The following CPEB3 variants were observed in gnomAD, a reference collection of about 807,000 sequenced individuals.
CPEB3 encodes cytoplasmic polyadenylation element-binding protein 3.
Under a neutral mutation model 67.2 loss-of-function variants are expected in CPEB3, and 20 were observed. The observed-to-expected ratio is 0.30, with a 90% CI of 0.21 to 0.43. The LOEUF is 0.43. Ranked by LOEUF, CPEB3 falls within the 20% of genes least tolerant of loss-of-function variation. The probability of loss-of-function intolerance (pLI) is 1.00; values close to 1 mark genes in which losing one functional copy is unlikely to be tolerated. For missense variants in CPEB3, 746 were observed against 968.6 expected, an observed-to-expected ratio of 0.77 and a Z score of 3.05; for synonymous variants, 376 against 393.1, an observed-to-expected ratio of 0.96 and a Z score of 0.51.
At chr10:92,257,497 T>C (rs961264676) in intron 1 of CPEB3, among the ~76,000 whole-genome samples, 26 of 152,168 alleles carry the variant, frequency 1.7e-4, no homozygotes, top group South Asian at 4.1e-4. Context: ...AGTTTTGCCA[T>C]GTTGCCCAGG....
intron 8 of CPEB3, among the ~76,000 whole-genome samples, chr10:92,088,225 ATTT>A (rs374452327): frequency 4.8e-5 from 6 of 126,288 alleles, no homozygotes; most frequent in African/African-American, 6.1e-5. Context: ...TTCCAACCTA[ATTT>A]TTTTTTTTTT....
chr10:92,268,452 A>C (rs533601713), intron 1 of CPEB3, among the ~76,000 whole-genome samples: 1 of 151,968 alleles, frequency 6.6e-6, no homozygotes, highest in African/African-American at 2.4e-5. Flanking sequence ...ATGTAGCAAG[A>C]CTCCATCTCT....
intron 2 of CPEB3, among the ~76,000 whole-genome samples, chr10:92,216,020 T>C (rs1850363400): frequency 6.9e-6 from 1 of 145,062 alleles, no homozygotes; most frequent in East Asian, 2.2e-4. Context: ...AGTGTTGGGA[T>C]TACAGGCCTG....
At chr10:92,211,063 A>T (rs1850058190) in intron 2 of CPEB3, among the ~76,000 whole-genome samples, 1 of 152,214 alleles carries the variant, frequency 6.6e-6, no homozygotes, top group Non-Finnish European at 1.5e-5. Context: ...AAATAAATCA[A>T]TAAATAAAAG....
chr10:92,194,869 G>A (rs533830318), intron 2 of CPEB3, among the ~76,000 whole-genome samples: 8 of 152,036 alleles, frequency 5.3e-5, no homozygotes, highest in East Asian at 1.9e-4. Context: ...GTGAAACTCC[G>A]TCTCTACTAA....
chr10:92,074,476 T>C (rs1483136157), intron 9 of CPEB3, among the ~76,000 whole-genome samples: 1 of 152,174 alleles, frequency 6.6e-6, no homozygotes, highest in African/African-American at 2.4e-5. Context: ...ATGGTAGACA[T>C]GTATTATGAC....
chr10:92,077,062 G>T (rs185709278), intron 9 of CPEB3, among the ~76,000 whole-genome samples: 26 of 152,222 alleles, frequency 1.7e-4, no homozygotes, highest in Non-Finnish European at 3.8e-4. Flanking sequence ...AACTTGGAGA[G>T]GTTATTCAGG....
At chr10:92,219,580 T>C (rs574618192) in intron 2 of CPEB3, among the ~76,000 whole-genome samples, 3 of 152,196 alleles carry the variant, frequency 2.0e-5, no homozygotes, top group African/African-American at 7.2e-5. Flanking sequence ...TTTTCACATA[T>C]AACGAATCTC....
At chr10:92,229,056 C>T (rs1375695188) in intron 2 of CPEB3, among the ~76,000 whole-genome samples, 1 of 151,868 alleles carries the variant, frequency 6.6e-6, no homozygotes, top group African/African-American at 2.4e-5. Flanking sequence ...CAGGGTCTCA[C>T]TCTGTCACCT....
intron 7 of CPEB3, among the ~76,000 whole-genome samples, chr10:92,092,779 G>GAA (rs1338071678): frequency 2.1e-5 from 3 of 141,474 alleles, no homozygotes; most frequent in Admixed American, 7.1e-5. Context: ...ACTGTCTCAG[G>GAA]AAAAAAAAAA....
chr10:92,202,631 T>A (rs1048466791), intron 2 of CPEB3, among the ~76,000 whole-genome samples: 3 of 151,714 alleles, frequency 2.0e-5, no homozygotes, highest in Non-Finnish European at 4.4e-5. Flanking sequence ...AAAAATTACA[T>A]ATGATATTTC....
chr10:92,215,343 G>A (rs555139630), intron 2 of CPEB3, among the ~76,000 whole-genome samples: 3 of 150,302 alleles, frequency 2.0e-5, no homozygotes, highest in African/African-American at 4.9e-5. Flanking sequence ...TAGTAGAGAT[G>A]GGGTTTCACC....
At chr10:92,056,235 A>G (rs1163782645) in intron 9 of CPEB3, among the ~76,000 whole-genome samples, 1 of 152,120 alleles carries the variant, frequency 6.6e-6, no homozygotes, top group African/African-American at 2.4e-5. Context: ...ATGCTCCACA[A>G]ACACAGATGT....
At chr10:92,243,565 C>G (rs1038913292) in intron 1 of CPEB3, among the ~76,000 whole-genome samples, 1 of 152,076 alleles carries the variant, frequency 6.6e-6, no homozygotes, top group African/African-American at 2.4e-5. Flanking sequence ...CCAAGCAGAG[C>G]TACCTTAAAT....
intron 9 of CPEB3, among the ~76,000 whole-genome samples, chr10:92,077,786 G>T (rs897215943): frequency 1.3e-5 from 2 of 150,022 alleles, no homozygotes; most frequent in Non-Finnish European, 1.5e-5. Flanking sequence ...GAGAAGGGAG[G>T]GGAGAGGAGG....
At chr10:92,056,902 G>C (rs141189072) in intron 9 of CPEB3, among the ~76,000 whole-genome samples, 2 of 152,336 alleles carry the variant, frequency 1.3e-5, no homozygotes, top group African/African-American at 2.4e-5. Flanking sequence ...CAGAAGGATA[G>C]GGCTCAGTCA....
chr10:92,058,863 G>T (rs946438912), intron 9 of CPEB3, among the ~76,000 whole-genome samples: 24 of 152,034 alleles, frequency 1.6e-4, no homozygotes, highest in African/African-American at 5.8e-4. Context: ...AAAAGCTACA[G>T]AATACACGTT....
chr10:92,125,792 G>A (rs540293806), intron 6 of CPEB3, among the ~76,000 whole-genome samples: 1 of 151,542 alleles, frequency 6.6e-6, no homozygotes, highest in East Asian at 1.9e-4. Flanking sequence ...GCACAATCTC[G>A]GCTTACTGCA....
chr10:92,272,620 A>T (rs1210811763), intron 1 of CPEB3, among the ~76,000 whole-genome samples: 1 of 152,112 alleles, frequency 6.6e-6, no homozygotes, highest in Non-Finnish European at 1.5e-5. Context: ...TTTAGTGAAC[A>T]CCCTCCATGG....
Sources: allele counts gnomAD v4.1 joint callset (sites outside exome capture counted in the v4.1 genomes callset), GRCh38; gene constraint gnomAD v4.1.1; transcripts MANE v1.5; gene names NCBI Gene and HGNC (gene_info 2026-07-23, HGNC 2026-07-21).